The following PRKAR1B variants were observed in gnomAD, a reference collection of about 807,000 sequenced individuals.
PRKAR1B encodes the protein protein kinase cAMP-dependent type I regulatory subunit beta, also known as cAMP-dependent protein kinase type I-beta regulatory subunit.
In PRKAR1B, 22 loss-of-function variants were observed where a neutral mutation model predicts 46.5. That is an observed-to-expected ratio of 0.47 (90% CI 0.34 to 0.68). PRKAR1B has a LOEUF of 0.68. Among genes scored for constraint, PRKAR1B ranks in the 30% least tolerant of loss-of-function variants. The pLI, the probability that PRKAR1B is intolerant of heterozygous loss-of-function variation, is 0.01. For missense variants in PRKAR1B, 445 were observed against 535.6 expected, an observed-to-expected ratio of 0.83 and a Z score of 1.67; for synonymous variants, 259 against 217.7, an observed-to-expected ratio of 1.19 and a Z score of -1.67.
upstream of PRKAR1B, among the ~76,000 whole-genome samples, chr7:728,855 C>G (rs1013611141): frequency 2.5e-4 from 38 of 152,304 alleles, no homozygotes; most frequent in African/African-American, 8.9e-4. Context: ...CACCTCTGGT[C>G]TCGGTCACAC....
chr7:684,313 C>A (rs555984710), intron 2 of PRKAR1B, among the ~76,000 whole-genome samples: 6 of 152,188 alleles, frequency 3.9e-5, no homozygotes, highest in African/African-American at 1.4e-4. Context: ...AAGCTTTATG[C>A]GATCATTTAA....
chr7:612,942 G>A (rs960598010), intron 4 of PRKAR1B, among the ~76,000 whole-genome samples: 1 of 152,118 alleles, frequency 6.6e-6, no homozygotes, highest in Admixed American at 6.5e-5. Flanking sequence ...ATGTGTGTGT[G>A]TAATAATATT....
rs1213007420 is a variant in PRKAR1B at position 667,158 on chromosome 7, A to G, written c.440+10071T>C. ...GATGGTGGTGGTGATGGTGATGATA[A>G]TGATGGTGATGATGACAGTGATGAT... On this transcript the variant is annotated intron_variant, in intron 4 of 10. Transcript: ENST00000537384. The surrounding 1 kb of genome is among the most constrained non-coding windows in gnomAD (Gnocchi z 4.3). Among the ~76,000 whole-genome samples, 1 of 150,102 alleles carries G rather than the reference A, an allele frequency of 6.7e-6. No individual in the cohort carries two copies. The highest frequency in any genetic ancestry group is 1.5e-5 in the Non-Finnish European group (1 of 66,864).
At chr7:694,610 C>T (rs143817550) in intron 2 of PRKAR1B, among the ~76,000 whole-genome samples, 214 of 152,274 alleles carry the variant, frequency 1.4e-3, no homozygotes, top group African/African-American at 5.0e-3. Context: ...TCCCCTTCCC[C>T]TTCCCCCACC....
chr7:584,359 C>A, intron 8 of PRKAR1B, 149 bp downstream of exon 8: 1 of 656,440 alleles, frequency 1.5e-6, no homozygotes, highest in Non-Finnish European at 2.7e-6. Flanking sequence ...CGTGTCTGTG[C>A]GTGAGCATGC....
Position 596,239 on chromosome 7 carries a change from G to A in PRKAR1B, c.615C>T (p.Leu205=), listed in dbSNP as rs746563339. The A allele has an allele frequency of 1.2e-6, 2 of 1,614,024 alleles. No homozygotes were observed. The highest frequency in any genetic ancestry group is 1.1e-5 in the South Asian group (1 of 91,080). The part of the protein sequence containing the change: ...SEGGSFGELA[L]IYGTPRAATV... ...TCGCAGCCCTGGGGGTGCCGTAGAT[G>A]AGCGCCAGCTCCCCGAAGCTGCCTC... The change falls in exon 7 of 11, where the codon CTC becomes CTT. Residue 205 remains leucine (L), a synonymous_variant. Transcript: ENST00000537384.
intron 9 of PRKAR1B, among the ~76,000 whole-genome samples, chr7:572,779 C>T (rs1779598609): frequency 1.3e-5 from 2 of 152,180 alleles, no homozygotes; most frequent in South Asian, 4.1e-4. Flanking sequence ...GGCGGGAGCT[C>T]CGTGGCCCTA....
chr7:573,614 C>CG (rs1779652356), intron 9 of PRKAR1B, among the ~76,000 whole-genome samples: 2 of 152,198 alleles, frequency 1.3e-5, no homozygotes, highest in Non-Finnish European at 2.9e-5. Context: ...CCCAAGATCA[C>CG]GAAAATCAGC....
chr7:691,150 G>C (rs1779399689), intron 2 of PRKAR1B, among the ~76,000 whole-genome samples: 1 of 151,898 alleles, frequency 6.6e-6, no homozygotes, highest in Admixed American at 6.6e-5. Context: ...TACCCGAAGG[G>C]TCCCGCGCCC....
chr7:551,509 C>T (rs118004775), intron 9 of PRKAR1B, 39 bp from the exon 10 acceptor site: 153,856 of 1,541,284 alleles, frequency 0.1, 8,414 homozygotes, highest in Non-Finnish European at 0.11. Context: ...GCCAGCCAGG[C>T]GGGTGCAGGG....
rs775661659 is a variant in PRKAR1B at position 560,224 on chromosome 7, G to A, written c.892-8754C>T. On this transcript the variant is annotated intron_variant, in intron 9 of 10. Coordinates refer to ENST00000537384, the MANE Select transcript of PRKAR1B (RefSeq NM_001164760.2). The surrounding 1 kb of genome is among the most constrained non-coding windows in gnomAD (Gnocchi z 4.2). ...TCTCTTTCCTGCTGCCCTGTGAAGA[G>A]GTACCTTCCACCATGATTGTAAGTT... Among the ~76,000 whole-genome samples, 1 of 152,020 alleles carries A rather than the reference G, an allele frequency of 6.6e-6. No individual in the cohort carries two copies. The highest frequency in any genetic ancestry group is 1.5e-5 in the Non-Finnish European group (1 of 68,016).
chr7:677,231 C>A lies in PRKAR1B; in HGVS notation c.438G>T (p.Arg146Ser). ...GGGCAGGGGACGAGTCTGCCTACCT[C>A]CTCTCGTTGTCATCCAGGTGAGCGA... ...VLFAHLDDNERSDIFDAMFPV... is the reference protein window; with the variant it reads ...VLFAHLDDNESSDIFDAMFPV... Residue 146 changes from arginine (R) to serine (S), a missense_variant and splice_region_variant, in exon 4 of 11, where the codon AGG becomes AGT. By Grantham distance (110) the Arg-to-Ser change is moderately radical. Around this residue, in one of 5 missense-constraint regions of PRKAR1B, gnomAD observed 94 missense variants for 126.9 expected, o/e 0.74. Coordinates refer to ENST00000537384, the MANE Select transcript of PRKAR1B (RefSeq NM_001164760.2). 1.2e-6 allele frequency: 2 copies of A among 1,614,210 alleles called. No individual in the cohort carries two copies. The highest frequency in any genetic ancestry group is 1.7e-6 in the Non-Finnish European group (2 of 1,180,004).
intron 1 of PRKAR1B, among the ~76,000 whole-genome samples, chr7:719,571 T>A (rs926294092): frequency 6.6e-6 from 1 of 152,212 alleles, no homozygotes; most frequent in East Asian, 1.9e-4. Context: ...CGTCTCAGCA[T>A]CCCAAGGCCT....
At chr7:697,399 C>T (rs888255567) in intron 2 of PRKAR1B, among the ~76,000 whole-genome samples, 10 of 152,136 alleles carry the variant, frequency 6.6e-5, no homozygotes, top group African/African-American at 2.4e-4. Context: ...ACACAGCCTG[C>T]CCCGTCCCAC....
chr7:677,434 AT>A, intron 3 of PRKAR1B, 114 bp from the exon 4 acceptor site: 2 of 865,074 alleles, frequency 2.3e-6, no homozygotes, highest in South Asian at 2.8e-5. Context: ...TGGTACAAAT[AT>A]GCAATTTGAA....
chr7:715,483 C>A (rs976356691), intron 1 of PRKAR1B, among the ~76,000 whole-genome samples: 8 of 152,130 alleles, frequency 5.3e-5, no homozygotes, highest in Non-Finnish European at 7.4e-5. Context: ...ATGCCCTCAA[C>A]TGAAAATGTG....
At chr7:592,267 G>A (rs915721562) in intron 7 of PRKAR1B, among the ~76,000 whole-genome samples, 11 of 152,236 alleles carry the variant, frequency 7.2e-5, no homozygotes, top group African/African-American at 2.7e-4. Flanking sequence ...ACACTGCAGG[G>A]CACTAAGCCC....
chr7:567,585 A>T (rs1313028694), intron 9 of PRKAR1B, among the ~76,000 whole-genome samples: 2 of 152,114 alleles, frequency 1.3e-5, no homozygotes, highest in Non-Finnish European at 2.9e-5. Context: ...CGCCATCATC[A>T]TCACCATCAG....
chr7:581,803 ACTC>A (rs1352283277), intron 8 of PRKAR1B, among the ~76,000 whole-genome samples: 1 of 151,894 alleles, frequency 6.6e-6, no homozygotes, highest in South Asian at 2.1e-4. Flanking sequence ...ACAGCCTTGA[ACTC>A]CTGGGCTCAA....
Sources: allele counts gnomAD v4.1 joint callset (sites outside exome capture counted in the v4.1 genomes callset), GRCh38; gene constraint gnomAD v4.1.1; regional missense constraint gnomAD v4.1.1; non-coding constraint Gnocchi (gnomAD v3.1); transcripts MANE v1.5; gene names NCBI Gene and HGNC (gene_info 2026-07-23, HGNC 2026-07-21).